The following PDXDC1 variants were observed in gnomAD, a reference collection of about 807,000 sequenced individuals.
PDXDC1 encodes the protein pyridoxal dependent decarboxylase domain containing 1, also known as pyridoxal-dependent decarboxylase domain-containing protein 1.
PDXDC1 carries 42 observed loss-of-function variants against 100.1 expected under a neutral mutation model. The ratio of observed to expected loss-of-function variants is 0.42; its 90% CI spans 0.33 to 0.54. The LOEUF (loss-of-function observed/expected upper bound fraction) is 0.54. Among genes scored for constraint, PDXDC1 ranks in the 20% least tolerant of loss-of-function variants. PDXDC1 has a pLI of 0.10. For missense variants in PDXDC1, 636 were observed against 979.2 expected, an observed-to-expected ratio of 0.65 and a Z score of 4.68; for synonymous variants, 260 against 371.7, an observed-to-expected ratio of 0.70 and a Z score of 3.46.
chr16:15,137,445 C>T (rs1366082066), intron 16 of PDXDC1: 1 of 1,245,658 alleles, frequency 8.0e-7, no homozygotes, highest in Non-Finnish European at 1.1e-6. Context: ...GCGCTGCAGG[C>T]CTCTGGCTGA....
intron 16 of PDXDC1, among the ~76,000 whole-genome samples, chr16:15,080,820 G>C (rs1274687801): frequency 5.5e-5 from 4 of 72,522 alleles, no homozygotes; most frequent in African/African-American, 1.4e-4. Flanking sequence ...GTCTTTCTAT[G>C]AATCTGCCTC....
chr16:15,126,995 T>C (rs531948287), intron 16 of PDXDC1: 7 of 337,040 alleles, frequency 2.1e-5, no homozygotes, highest in Non-Finnish European at 4.1e-5. Flanking sequence ...CTTGCTATGT[T>C]GCCCAGGCTG....
At chr16:15,094,811 G>A (rs2046295503) in intron 16 of PDXDC1, 1 of 153,236 alleles carries the variant, frequency 6.5e-6, no homozygotes, top group Admixed American at 6.6e-5. Context: ...GTTACGAAGA[G>A]GTGTTACCCC....
chr16:14,987,625 G>GT (rs1460792479), intron 1 of PDXDC1, among the ~76,000 whole-genome samples: 2 of 152,288 alleles, frequency 1.3e-5, no homozygotes, highest in Admixed American at 6.5e-5. Context: ...TTGTTTTTTT[G>GT]TTTTTTGAGA....
At chr16:15,124,578 G>C (rs945006892) in intron 16 of PDXDC1, among the ~76,000 whole-genome samples, 1 of 149,836 alleles carries the variant, frequency 6.7e-6, no homozygotes, top group African/African-American at 2.4e-5. Flanking sequence ...TTCCAGACCA[G>C]CCTGGCCAAT....
At chr16:15,039,025 G>A (rs149952426), downstream of PDXDC1, among the ~76,000 whole-genome samples, 3 of 152,236 alleles carry the variant, frequency 2.0e-5, no homozygotes, top group East Asian at 1.9e-4. Flanking sequence ...AAACCCAGGC[G>A]CTTCTGACTA....
intron 13 of PDXDC1, chr16:15,026,013 C>G (rs1221763480): frequency 6.6e-6 from 1 of 152,568 alleles, no homozygotes; most frequent in African/African-American, 2.4e-5. Context: ...CTCAGCTGTG[C>G]TTGTCTACAT....
At chr16:15,030,544 CAAAAAAAA>C (rs1156634836) in intron 16 of PDXDC1, among the ~76,000 whole-genome samples, 5 of 38,378 alleles carry the variant, frequency 1.3e-4, no homozygotes, top group South Asian at 1.9e-3. Context: ...GACTCCATCT[CAAAAAAAA>C]AAAAAAAAAA....
chr16:15,029,427 C>A (rs1388703874), intron 15 of PDXDC1: 1 of 377,430 alleles, frequency 2.6e-6, no homozygotes, highest in East Asian at 7.5e-5. Context: ...AGCAGCAGTT[C>A]TAGCCAATGC....
chr16:15,150,234 A>G, the PDXDC1 span, among the ~76,000 whole-genome samples: 43 of 152,048 alleles, frequency 2.8e-4, no homozygotes, highest in African/African-American at 8.0e-4. Context: ...CAGGCTACTC[A>G]GGAGGCTGAG....
intron 8 of PDXDC1, among the ~76,000 whole-genome samples, chr16:15,010,947 G>A (rs1437742532): frequency 5.9e-5 from 9 of 152,292 alleles, no homozygotes; most frequent in African/African-American, 2.2e-4. Flanking sequence ...GAAGACCCAA[G>A]AACGATATGC....
At chr16:15,085,917 G>C (rs1021159555) in intron 16 of PDXDC1, among the ~76,000 whole-genome samples, 1 of 152,110 alleles carries the variant, frequency 6.6e-6, no homozygotes, top group Non-Finnish European at 1.5e-5. Flanking sequence ...TTCACCAGGA[G>C]TTCAATAAAG....
rs187799445 is a variant in PDXDC1 at position 15,052,758 on chromosome 16, G to C, written c.1399+22702G>C. Among the ~76,000 whole-genome samples the C allele has an allele frequency of 2.6e-5, 4 of 152,238 alleles. No homozygotes were observed. The East Asian group carries it at 7.7e-4, about 29-fold the overall frequency. On this transcript the variant is annotated intron_variant, in intron 16 of 16. Coordinates refer to the PDXDC1 transcript ENST00000535621. ...GAGAATCACTTGAACCTGGGAGGCA[G>C]AGGTTGTAGTGAGCCAAGATCGTGC...
chr16:15,029,733 T>C (rs1428534713), intron 15 of PDXDC1: 1 of 574,718 alleles, frequency 1.7e-6, no homozygotes, highest in African/African-American at 1.9e-5. Flanking sequence ...TTTGTTTACT[T>C]GTATTTCCTA....
chr16:15,101,225 A>T (rs942406952), intron 16 of PDXDC1, among the ~76,000 whole-genome samples: 91 of 152,346 alleles, frequency 6.0e-4, no homozygotes, highest in African/African-American at 2.0e-3. Context: ...ATTTTCCTGT[A>T]AATATGAAAT....
intron 16 of PDXDC1, among the ~76,000 whole-genome samples, chr16:15,080,827 C>A (rs955923983): frequency 1.8e-5 from 1 of 56,850 alleles, no homozygotes; most frequent in Non-Finnish European, 5.5e-5. Flanking sequence ...TATGAATCTG[C>A]CTCTTTGACA....
intron 16 of PDXDC1, among the ~76,000 whole-genome samples, chr16:15,066,990 G>A (rs971545767): frequency 2.0e-5 from 3 of 150,550 alleles, no homozygotes; most frequent in Admixed American, 2.0e-4. Context: ...CAGGGGCAGC[G>A]GCCTCTGCTT....
rs866520521 is a variant in PDXDC1 at position 15,065,128 on chromosome 16, C to T, written c.1399+35072C>T. 213 of 1,317,740 alleles carry T rather than the reference C, an allele frequency of 1.6e-4. 2 individuals carry two copies. In the Middle Eastern group the frequency reaches 2.9e-3, roughly 18 times the overall value. 81.6% of individuals were successfully genotyped at this position (1,317,740 alleles called of 1,614,324 possible). ...TTGCGGTAAGCCGAGATCACACCAC[C>T]GCACTCCAGCCTGGGCGACAGAGTG... On this transcript the variant is annotated intron_variant, in intron 16 of 16. Coordinates refer to the PDXDC1 transcript ENST00000535621.
chr16:15,070,500 G>A (rs1468276316), intron 16 of PDXDC1, among the ~76,000 whole-genome samples: 4 of 152,054 alleles, frequency 2.6e-5, no homozygotes, highest in South Asian at 2.1e-4. Context: ...CCCTAAGAAC[G>A]TCCCAAGGGA....
Sources: gnomAD v4.1 joint callset for allele counts (sites outside exome capture counted in the v4.1 genomes callset) on GRCh38, gnomAD v4.1.1 for gene constraint, MANE v1.5 for transcripts, NCBI Gene and HGNC (gene_info 2026-07-23, HGNC 2026-07-21) for gene names.